Variants in TCF7L2 observed in about 807,000 individuals in gnomAD.
TCF7L2 encodes the protein transcription factor 7-like 2.
TCF7L2 carries 23 observed loss-of-function variants against 77.9 expected under a neutral mutation model. That is an observed-to-expected ratio of 0.30 (90% CI 0.21 to 0.42). The LOEUF (loss-of-function observed/expected upper bound fraction) is 0.42, where lower values mean the gene tolerates loss of function less well. TCF7L2 is among the 10% of genes least tolerant of loss of function. TCF7L2 has a pLI of 1.00. For missense variants in TCF7L2, 654 were observed against 793.1 expected, an observed-to-expected ratio of 0.82 and a Z score of 2.11; for synonymous variants, 413 against 340.2, an observed-to-expected ratio of 1.21 and a Z score of -2.36.
chr10:113,092,195 C>T (rs2060474068), intron 5 of TCF7L2, among the ~76,000 whole-genome samples: 1 of 152,228 alleles, frequency 6.6e-6, no homozygotes, highest in Non-Finnish European at 1.5e-5. Flanking sequence ...GAGCATTTCT[C>T]AGCCTTGTCC....
chr10:113,013,600 G>A (rs1283869748), intron 4 of TCF7L2, among the ~76,000 whole-genome samples: 1 of 152,172 alleles, frequency 6.6e-6, no homozygotes, highest in African/African-American at 2.4e-5. Context: ...ATTGGTTAAG[G>A]AAGATAAGCT....
At chr10:113,078,837 T>C (rs896551530) in intron 5 of TCF7L2, among the ~76,000 whole-genome samples, 1 of 144,608 alleles carries the variant, frequency 6.9e-6, no homozygotes, top group Non-Finnish European at 1.5e-5. Flanking sequence ...TCTTTTTTTG[T>C]TTTTTTTTTT....
chr10:113,005,625 G>C (rs941561519), intron 4 of TCF7L2, among the ~76,000 whole-genome samples: 1 of 152,126 alleles, frequency 6.6e-6, no homozygotes, highest in African/African-American at 2.4e-5. Context: ...CCCTGTTTGC[G>C]CAAGGGTTTG....
At chr10:113,150,872 A>G (rs2070613762) in intron 8 of TCF7L2, 126 bp from the exon 9 acceptor site, 4 of 1,272,854 alleles carry the variant, frequency 3.1e-6, no homozygotes, top group Admixed American at 2.7e-5. Flanking sequence ...CAGGTTTCAT[A>G]TGCCTTGGGT....
At chr10:113,031,238 A>G (rs1041618473) in intron 4 of TCF7L2, among the ~76,000 whole-genome samples, 2 of 152,248 alleles carry the variant, frequency 1.3e-5, no homozygotes, top group Non-Finnish European at 2.9e-5. Flanking sequence ...GTGACAATCA[A>G]TTTAGAGGTC....
chr10:113,139,435 C>A (rs765448292), intron 5 of TCF7L2, among the ~76,000 whole-genome samples: 9 of 152,188 alleles, frequency 5.9e-5, no homozygotes, highest in Non-Finnish European at 8.8e-5. Context: ...TCACCCTGGC[C>A]ATGGCCTGCC....
intron 4 of TCF7L2, among the ~76,000 whole-genome samples, chr10:112,995,016 G>A (rs1224124543): frequency 2.6e-5 from 4 of 152,098 alleles, no homozygotes; most frequent in East Asian, 1.9e-4. Flanking sequence ...CAGGAGAATC[G>A]CTTGAACCTG....
At chr10:112,956,282 A>C (rs1443865583) in intron 3 of TCF7L2, among the ~76,000 whole-genome samples, 1 of 151,420 alleles carries the variant, frequency 6.6e-6, no homozygotes, top group Non-Finnish European at 1.5e-5. Flanking sequence ...TCTCTCCTGC[A>C]CAGGAAGTAG....
At chr10:113,049,550 T>C (rs1234407789) in intron 5 of TCF7L2, among the ~76,000 whole-genome samples, 3 of 152,090 alleles carry the variant, frequency 2.0e-5, no homozygotes, top group Admixed American at 2.0e-4. Context: ...CTCACTTGGA[T>C]GTGGCCAGAG....
At chr10:113,014,323 CT>C (rs1319688474) in intron 4 of TCF7L2, among the ~76,000 whole-genome samples, 1 of 152,194 alleles carries the variant, frequency 6.6e-6, no homozygotes, top group East Asian at 1.9e-4. Flanking sequence ...TCATCTGCTG[CT>C]AGTTACACTC....
intron 5 of TCF7L2, among the ~76,000 whole-genome samples, chr10:113,117,285 G>A (rs1162219762): frequency 5.9e-5 from 9 of 151,644 alleles, no homozygotes; most frequent in Non-Finnish European, 1.5e-5. Flanking sequence ...AGTTCTTTGG[G>A]GAAAATAATC....
At position 113,042,862 on chromosome 10, in the gene TCF7L2, G is replaced by GATAC. The variant is rs557797760; in HGVS notation, c.552+2739_552+2742dup. Among the ~76,000 whole-genome samples, 171 of 152,342 alleles carry GATAC rather than the reference G, an allele frequency of 1.1e-3. 1 individual carries two copies. Among genetic ancestry groups the GATAC allele is most frequent in the Admixed American group, 6.9e-3 (105 of 15,308 alleles). ...AAAGGGTGCATTCTGAATGGTGGCT[G>GATAC]ATACATCATTTGGGTCTTTGTACAG... is the stretch of plus-strand genomic sequence containing the variant. On this transcript the variant is annotated intron_variant, in intron 5 of 13. Transcript: ENST00000627217.
At chr10:113,103,466 A>T (rs1351835916) in intron 5 of TCF7L2, among the ~76,000 whole-genome samples, 2 of 152,180 alleles carry the variant, frequency 1.3e-5, no homozygotes, top group African/African-American at 4.8e-5. Context: ...GGATCCCGCG[A>T]AGTAAGAAAG....
rs759221293 is a variant in TCF7L2, at chr10:113,165,988, C to T, written c.*16C>T. 9.5e-6 allele frequency: 14 copies of T among 1,480,674 alleles called. No homozygotes were observed. Among genetic ancestry groups the T allele is most frequent in the Non-Finnish European group, 9.0e-6 (10 of 1,113,444 alleles). The allele number at this position is 1,480,674 out of a possible 1,614,324, so 91.7% of individuals were successfully genotyped here. On this transcript the variant is annotated 3_prime_UTR_variant, in exon 14 of 14. Transcript: ENST00000627217. ...TTTAGAATAGCTTTAGCGTCGTGAA[C>T]CCCGCTGCTTTGTTTATGGTTTTGT...
chr10:112,964,434 G>A (rs1374808229), intron 3 of TCF7L2, 122 bp from the exon 4 acceptor site: 1 of 793,924 alleles, frequency 1.3e-6, no homozygotes, highest in Non-Finnish European at 2.2e-6. Flanking sequence ...CACAGGTCTT[G>A]ATTGAATGCC....
intron 4 of TCF7L2, among the ~76,000 whole-genome samples, chr10:112,984,809 A>C (rs1462269091): frequency 6.6e-6 from 1 of 152,176 alleles, no homozygotes; most frequent in Non-Finnish European, 1.5e-5. Flanking sequence ...TCATCTGTGA[A>C]ATGCCCCCAC....
At chr10:112,964,223 A>C (rs1398774315) in intron 3 of TCF7L2, among the ~76,000 whole-genome samples, 1 of 152,054 alleles carries the variant, frequency 6.6e-6, no homozygotes, top group Admixed American at 6.6e-5. Context: ...TTTCTTCAGC[A>C]TCCCGCTCAG....
chr10:113,045,841 C>T (rs115866010), intron 5 of TCF7L2, among the ~76,000 whole-genome samples: 156 of 152,308 alleles, frequency 1.0e-3, no homozygotes, highest in African/African-American at 3.5e-3. Flanking sequence ...TGTTTCCTAG[C>T]AGCCACTGAG....
In TCF7L2 at chr10:112,951,117, C is replaced by T. The variant is rs78277257; in HGVS notation, c.190-90C>T. ...GTAACCCTGTTTTTTTCTACCCCCC[C>T]CTCGACCTCGCCGATTCTTTTTCTC... On this transcript the variant is annotated intron_variant, in intron 1 of 13. Coordinates refer to ENST00000627217, the MANE Select transcript of TCF7L2 (RefSeq NM_001146274.2). 25,230 of 1,306,214 alleles carry T rather than the reference C, an allele frequency of 0.019. 2,767 individuals carry two copies. In the East Asian group the frequency reaches 0.32, roughly 17 times the overall value. 80.9% of individuals were successfully genotyped at this position (1,306,214 alleles called of 1,614,324 possible). A position where few individuals can be genotyped will look rare whatever the true frequency, so the allele number is the denominator to read the frequency against.
Sources: allele counts gnomAD v4.1 joint callset (sites outside exome capture counted in the v4.1 genomes callset), GRCh38; gene constraint gnomAD v4.1.1; transcripts MANE v1.5; gene names NCBI Gene and HGNC (gene_info 2026-07-23, HGNC 2026-07-21).